Variants in TEX101 observed in about 807,000 individuals in gnomAD.
TEX101 encodes testis expressed 101.
TEX101 carries 10 observed loss-of-function variants against 18.1 expected under a neutral mutation model. The ratio of observed to expected loss-of-function variants is 0.55; its 90% CI spans 0.34 to 0.94. The LOEUF is 0.94. TEX101 is among the 40% of genes least tolerant of loss of function. The pLI is 0.02. For missense variants in TEX101, 259 were observed against 298.9 expected (o/e 0.87, Z 0.98); for synonymous variants, 94 against 114.8 (o/e 0.82, Z 1.16).
chr19:43,405,140 T>G (rs1465391327), intron 2 of TEX101, among the ~76,000 whole-genome samples: 3 of 152,186 alleles, frequency 2.0e-5, no homozygotes, highest in Non-Finnish European at 4.4e-5. Flanking sequence ...TTGGTGAAGC[T>G]AAGTAAATCT....
At chr19:43,393,399 C>G in the TEX101 span, among the ~76,000 whole-genome samples, 2 of 152,184 alleles carry the variant, frequency 1.3e-5, no homozygotes, top group African/African-American at 4.8e-5. Flanking sequence ...GGTGTCCATG[C>G]ACAATCCAGT....
At chr19:43,397,385 C>G (rs1970276865), upstream of TEX101, among the ~76,000 whole-genome samples, 1 of 152,114 alleles carries the variant, frequency 6.6e-6, no homozygotes, top group Admixed American at 6.6e-5. Flanking sequence ...CCATCCCATC[C>G]TTGATGTCTT....
Position 43,406,277 on chromosome 19 carries a change from C to A in TEX101, c.-228C>A, listed in dbSNP as rs920161889. 2.5e-5 allele frequency: 13 copies of A among 512,832 alleles called. No homozygotes were observed. The Admixed American group carries it at 4.9e-4, about 19-fold the overall frequency. The allele number at this position is 512,832 out of a possible 1,614,324, so 31.8% of individuals were successfully genotyped here. On this transcript the variant is annotated 5_prime_UTR_variant, in exon 3 of 8. Transcript: ENST00000602198. ...ATGAAGCCCGGATCAAGGGCAGGAG[C>A]AACCGTGACCCTCTTAAAAGAGCCA...
At chr19:43,392,546 CAT>C in the TEX101 span, among the ~76,000 whole-genome samples, 6 of 151,952 alleles carry the variant, frequency 3.9e-5, no homozygotes, top group South Asian at 4.2e-4. Flanking sequence ...AAGGAAAACA[CAT>C]AGAACCAAAA....
chr19:43,394,601 G>A, the TEX101 span, among the ~76,000 whole-genome samples: 1 of 151,934 alleles, frequency 6.6e-6, no homozygotes, highest in Non-Finnish European at 1.5e-5. Flanking sequence ...CTCTGGAGTA[G>A]CTGGGACTAC....
At chr19:43,409,095 A>G (rs1333758555) in intron 3 of TEX101, among the ~76,000 whole-genome samples, 1 of 152,248 alleles carries the variant, frequency 6.6e-6, no homozygotes, top group Non-Finnish European at 1.5e-5. Flanking sequence ...TGAATGATGC[A>G]TTAATCAGGT....
upstream of TEX101, among the ~76,000 whole-genome samples, chr19:43,396,589 A>C (rs1159355217): frequency 1.3e-5 from 2 of 152,164 alleles, no homozygotes; most frequent in South Asian, 2.1e-4. Flanking sequence ...TATTTTGGGA[A>C]CCACTCCTTT....
In TEX101 at chr19:43,415,009, G is replaced by C. The variant is rs1358132681; in HGVS notation, c.-69G>C. On this transcript the variant is annotated 5_prime_UTR_variant, in exon 1 of 6. Transcript: ENST00000598265. ...TTTGCTTCTTTAAAGAGAAAAAGAA[G>C]GCTAGGGACTCAGATTCCTGGATTC... 3.0e-6 allele frequency: 3 copies of C among 985,294 alleles called. No homozygotes were observed. Among genetic ancestry groups the C allele is most frequent in the African/African-American group, 1.7e-5 (1 of 57,230 alleles). The allele number at this position is 985,294 out of a possible 1,614,324, so 61.0% of individuals were successfully genotyped here.
intron 1 of TEX101, among the ~76,000 whole-genome samples, chr19:43,401,897 G>A (rs184508346): frequency 5.9e-5 from 9 of 151,832 alleles, no homozygotes; most frequent in African/African-American, 1.4e-4. Flanking sequence ...ATAAAAATAC[G>A]AATGGAGAAA....
At chr19:43,391,572 T>G in the TEX101 span, among the ~76,000 whole-genome samples, 1 of 152,194 alleles carries the variant, frequency 6.6e-6, no homozygotes, top group Non-Finnish European at 1.5e-5. Flanking sequence ...TCCTTTGTAA[T>G]GTAAGAGGTA....
upstream of TEX101, among the ~76,000 whole-genome samples, chr19:43,398,501 C>G (rs1970293218): frequency 6.6e-6 from 1 of 151,864 alleles, no homozygotes; most frequent in Non-Finnish European, 1.5e-5. Context: ...GTCTCGATCT[C>G]TCGACCTCAT....
intron 3 of TEX101, chr19:43,406,564 G>A: frequency 3.0e-6 from 2 of 662,936 alleles, no homozygotes. Flanking sequence ...ATTATTAATT[G>A]TTTTTTCACT....
Position 43,418,461 on chromosome 19 carries a change from G to A in TEX101, c.*64G>A, listed in dbSNP as rs1333442754. The A allele has an allele frequency of 3.6e-6, 5 of 1,380,148 alleles. No homozygotes were observed. The highest frequency in any genetic ancestry group is 4.6e-5 in the East Asian group (2 of 43,444). 85.5% of individuals were successfully genotyped at this position (1,380,148 alleles called of 1,614,324 possible). On this transcript the variant is annotated 3_prime_UTR_variant, in exon 6 of 6. Coordinates refer to ENST00000598265, the MANE Select transcript of TEX101 (RefSeq NM_001130011.3). ...TGACTGGGAGCCTTCTTACTGTTGA[G>A]GTTCAACAAGCTGAGGAGTAGATGG...
intron 1 of TEX101, 43 bp downstream of exon 1, chr19:43,415,081 C>T (rs1970458344): frequency 5.1e-6 from 5 of 984,562 alleles, no homozygotes; most frequent in Non-Finnish European, 4.8e-6. Context: ...CTGAGGGGAA[C>T]GAGGGTTGGG....
At chr19:43,413,283 C>T (rs1970435418), upstream of TEX101, among the ~76,000 whole-genome samples, 1 of 151,720 alleles carries the variant, frequency 6.6e-6, no homozygotes, top group Non-Finnish European at 1.5e-5. Flanking sequence ...GGGCGGATCA[C>T]GAGGTCAGGA....
At chr19:43,406,799 G>A (rs1220836956) in intron 3 of TEX101, among the ~76,000 whole-genome samples, 1 of 152,196 alleles carries the variant, frequency 6.6e-6, no homozygotes, top group African/African-American at 2.4e-5. Context: ...TGAAAGCAGG[G>A]CCTCAGGATC....
chr19:43,396,826 ATTTTTTTTT>A (rs1202828153), upstream of TEX101, among the ~76,000 whole-genome samples: 1 of 82,874 alleles, frequency 1.2e-5, no homozygotes, highest in Non-Finnish European at 2.2e-5. Context: ...TGTTTTCAGC[ATTTTTTTTT>A]TTTTTTTTTT....
the TEX101 span, among the ~76,000 whole-genome samples, chr19:43,393,169 GAC>G: frequency 6.6e-6 from 1 of 151,994 alleles, no homozygotes; most frequent in Non-Finnish European, 1.5e-5. Context: ...CAGACAGGGA[GAC>G]ACAGAGATGA....
chr19:43,389,625 C>T, the TEX101 span, among the ~76,000 whole-genome samples: 5 of 152,140 alleles, frequency 3.3e-5, no homozygotes, highest in Non-Finnish European at 7.4e-5. Context: ...TAACCAGTCC[C>T]TTTTCTGCTT....
Sources: gnomAD v4.1 joint callset for allele counts (sites outside exome capture counted in the v4.1 genomes callset) on GRCh38, gnomAD v4.1.1 for gene constraint, MANE v1.5 for transcripts, NCBI Gene and HGNC (gene_info 2026-07-23, HGNC 2026-07-21) for gene names.